DCAF4: variants seen among roughly 807,000 people sequenced by gnomAD.
The protein encoded by DCAF4 is DDB1 and CUL4 associated factor 4.
A neutral mutation model predicts 60.9 loss-of-function variants in DCAF4; 37 were observed. The ratio of observed to expected loss-of-function variants is 0.61; its 90% CI spans 0.47 to 0.80. DCAF4 has a LOEUF of 0.80. Among genes scored for constraint, DCAF4 ranks in the 30% least tolerant of loss-of-function variants. The pLI, the probability that DCAF4 is intolerant of heterozygous loss-of-function variation, is 0.00. For synonymous variants in DCAF4, 243 were observed against 254.8 expected (o/e 0.95, Z 0.44); for missense variants, 577 against 650.0 (o/e 0.89, Z 1.22).
intron 1 of DCAF4, chr14:72,929,764 G>T: frequency 9.6e-7 from 1 of 1,042,694 alleles, no homozygotes; most frequent in Non-Finnish European, 1.5e-6. Flanking sequence ...TCCATGGCGC[G>T]CAGCTCGTAC....
chr14:72,929,678 C>T lies in DCAF4; in HGVS notation c.-9+3135C>T, dbSNP rs1400227599. On this transcript the variant is annotated intron_variant, in intron 1 of 13. Transcript: ENST00000358377. ...CCTTGCTCAGCTCCTCCCGCTTCCT[C>T]TTGGCACGGATGTGCGTCCCCACCC... 1.1e-5 allele frequency: 15 copies of T among 1,351,872 alleles called. No individual in the cohort carries two copies. The Admixed American group carries it at 2.7e-4, about 24-fold the overall frequency. 83.7% of individuals were successfully genotyped at this position (1,351,872 alleles called of 1,614,324 possible). A position where few individuals can be genotyped will look rare whatever the true frequency, so the allele number is the denominator to read the frequency against.
At chr14:72,947,607 C>A (rs549018567) in intron 8 of DCAF4, among the ~76,000 whole-genome samples, 2 of 152,160 alleles carry the variant, frequency 1.3e-5, no homozygotes, top group Non-Finnish European at 2.9e-5. Flanking sequence ...AGCAGAGGAA[C>A]AAGGCAGAAA....
chr14:72,956,351 C>T, intron 12 of DCAF4, 35 bp from the exon 13 acceptor site: 1 of 1,535,152 alleles, frequency 6.5e-7, no homozygotes, highest in South Asian at 1.3e-5. Flanking sequence ...TACCCCCTGG[C>T]CCCTCCCTGA....
At chr14:72,937,947 G>C in intron 1 of DCAF4, 24 bp from the exon 2 acceptor site, 1 of 1,572,434 alleles carries the variant, frequency 6.4e-7, no homozygotes, top group Non-Finnish European at 8.6e-7. Context: ...GAGATGTATG[G>C]ATTTTTTTGT....
intron 9 of DCAF4, among the ~76,000 whole-genome samples, chr14:72,952,813 G>C (rs985546311): frequency 6.8e-6 from 1 of 146,726 alleles, no homozygotes; most frequent in Non-Finnish European, 1.5e-5. Context: ...TCCTGCCTCA[G>C]CCTCCCAAGT....
intron 1 of DCAF4, among the ~76,000 whole-genome samples, chr14:72,929,125 C>T (rs1888146998): frequency 6.6e-6 from 1 of 151,972 alleles, no homozygotes; most frequent in Non-Finnish European, 1.5e-5. Context: ...CGCCCCCCAC[C>T]CCGCCCGGCC....
chr14:72,951,651 G>A (rs1891432052), intron 8 of DCAF4, 147 bp from the exon 9 acceptor site: 5 of 667,528 alleles, frequency 7.5e-6, no homozygotes, highest in South Asian at 3.9e-5. Context: ...GAAGGTAAAT[G>A]TGGGCAGTGT....
At chr14:72,942,909 G>GATCT in intron 5 of DCAF4, 85 bp from the exon 6 acceptor site, 5 of 1,234,858 alleles carry the variant, frequency 4.0e-6, no homozygotes, top group Admixed American at 3.9e-5. Context: ...ATGGGCGTCA[G>GATCT]CGGGGCAGGG....
At chr14:72,929,583 T>G in intron 1 of DCAF4, 1 of 925,378 alleles carries the variant, frequency 1.1e-6, no homozygotes, top group South Asian at 1.4e-5. Flanking sequence ...AGCTGTTCTT[T>G]ATTTCAGGAA....
intron 1 of DCAF4, among the ~76,000 whole-genome samples, chr14:72,936,935 A>C (rs1182240514): frequency 1.3e-5 from 2 of 152,242 alleles, no homozygotes; most frequent in Admixed American, 6.5e-5. Context: ...GGAAGAATGT[A>C]GCCTCCTGGT....
At chr14:72,959,721 C>T (rs2140328019), downstream of DCAF4, 1 of 944,398 alleles carries the variant, frequency 1.1e-6, no homozygotes, top group Non-Finnish European at 1.3e-6. Flanking sequence ...GCTTTCATAG[C>T]CTTCCTGGAG....
In DCAF4 at chr14:72,938,633, G is replaced by A. The variant is rs527432665; in HGVS notation, c.92+563G>A. On this transcript the variant is annotated intron_variant, in intron 2 of 13. Coordinates refer to ENST00000358377, the MANE Select transcript of DCAF4 (RefSeq NM_015604.4). ...GCTATATGGTGTAGCCAATTGCTCC[G>A]AGGCTGCAAACCTGTACAGCATGTG... Among the ~76,000 whole-genome samples, 11 of 152,268 alleles carry A rather than the reference G, an allele frequency of 7.2e-5. No homozygotes were observed. In the East Asian group the frequency reaches 1.7e-3, roughly 24 times the overall value.
At chr14:72,951,176 T>A (rs764510222) in intron 8 of DCAF4, among the ~76,000 whole-genome samples, 1 of 152,044 alleles carries the variant, frequency 6.6e-6, no homozygotes, top group Non-Finnish European at 1.5e-5. Context: ...AGACAAGGTT[T>A]TGCTGTGTTT....
intron 6 of DCAF4, among the ~76,000 whole-genome samples, chr14:72,944,473 T>C (rs1890465084): frequency 1.3e-5 from 2 of 152,292 alleles, no homozygotes; most frequent in South Asian, 4.1e-4. Context: ...AACCACATCA[T>C]GTTTTAAAAT....
In DCAF4 at chr14:72,954,425, G is replaced by A. The variant is rs781733410; in HGVS notation, c.947G>A (p.Gly316Glu). The A allele has an allele frequency of 1.2e-6, 2 of 1,614,216 alleles. No homozygotes were observed. Among genetic ancestry groups the A allele is most frequent in the East Asian group, 2.2e-5 (1 of 44,878 alleles). Reference protein sequence around the residue: ...RRVLLTNVVTGHRQSFGTNSD... With the variant: ...RRVLLTNVVTEHRQSFGTNSD... ...GTCCTGTTGACCAACGTGGTGACGG[G>A]ACACCGGCAGTCCTTTGGGACCAAC... is the stretch of plus-strand genomic sequence containing the variant. The change falls in exon 11 of 14, where the codon GGA becomes GAA. Residue 316 changes from glycine to glutamate, a missense_variant. Gly to Glu is a moderately conservative substitution (Grantham distance 98). Coordinates refer to ENST00000358377, the MANE Select transcript of DCAF4 (RefSeq NM_015604.4).
intron 13 of DCAF4, 43 bp downstream of exon 13, chr14:72,956,543 GTC>G (rs1418024059): frequency 1.3e-6 from 2 of 1,554,698 alleles, no homozygotes; most frequent in Admixed American, 1.9e-5. Context: ...ATCAAATACT[GTC>G]TCTCAGGGGC....
intron 1 of DCAF4, among the ~76,000 whole-genome samples, chr14:72,932,091 C>T (rs769905000): frequency 6.6e-6 from 1 of 151,402 alleles, no homozygotes; most frequent in Non-Finnish European, 1.5e-5. Flanking sequence ...CAGGTTCAAG[C>T]GATTCTCCTG....
chr14:72,947,446 T>C (rs1236453622), intron 8 of DCAF4, among the ~76,000 whole-genome samples: 1 of 152,236 alleles, frequency 6.6e-6, no homozygotes, highest in Non-Finnish European at 1.5e-5. Context: ...TGGCAGACAC[T>C]GTCTGGGCCT....
At chr14:72,953,077 C>T (rs1208255697) in intron 9 of DCAF4, among the ~76,000 whole-genome samples, 6 of 145,420 alleles carry the variant, frequency 4.1e-5, no homozygotes, top group African/African-American at 7.6e-5. Flanking sequence ...CTCAGTTCAC[C>T]GCAACCTCCG....
Sources: allele counts gnomAD v4.1 joint callset (sites outside exome capture counted in the v4.1 genomes callset), GRCh38; gene constraint gnomAD v4.1.1; transcripts MANE v1.5; gene names NCBI Gene and HGNC (gene_info 2026-07-23, HGNC 2026-07-21).